The following SOS2 variants were observed in gnomAD, a reference collection of about 807,000 sequenced individuals.
SOS2 encodes son of sevenless homolog 2.
SOS2 carries 65 observed loss-of-function variants against 148.2 expected under a neutral mutation model. The observed-to-expected ratio is 0.44, with a 90% confidence interval of 0.36 to 0.54. The LOEUF (loss-of-function observed/expected upper bound fraction) is 0.54, where lower values mean the gene tolerates loss of function less well. SOS2 is among the 20% of genes least tolerant of loss of function. SOS2 has a pLI of 0.00. For synonymous variants in SOS2, 539 were observed against 537.1 expected (o/e 1.00, Z -0.05); for missense variants, 1,341 against 1,590.2 (o/e 0.84, Z 2.67).
intron 4 of SOS2, among the ~76,000 whole-genome samples, chr14:50,192,141 CACAAA>C (rs1245517824): frequency 2.1e-5 from 1 of 47,338 alleles, no homozygotes; most frequent in African/African-American, 9.2e-5. Flanking sequence ...GAGTCCTTGT[CACAAA>C]AAAAAAAAAA....
chr14:50,187,984 T>C (rs1354175457), intron 5 of SOS2, among the ~76,000 whole-genome samples: 1 of 152,206 alleles, frequency 6.6e-6, no homozygotes, highest in Non-Finnish European at 1.5e-5. Flanking sequence ...CACCCCAGTA[T>C]AAACCTCCTT....
intron 4 of SOS2, among the ~76,000 whole-genome samples, chr14:50,195,291 A>T (rs1886279023): frequency 6.6e-6 from 1 of 152,172 alleles, no homozygotes; most frequent in Non-Finnish European, 1.5e-5. Flanking sequence ...ATTTCAATAT[A>T]CTCTGTTGGT....
At position 50,120,303 on chromosome 14, in the gene SOS2, T is replaced by G; in HGVS notation, c.3461A>C (p.Lys1154Thr). ...LIPPPLPPRK[K>T]FDHDASNSKG... ...GGAATTTGAAGCATCATGATCAAAC[T>G]TTTTTCGAGGAGGAAGAGGAGGAGG... Residue 1154 changes from lysine to threonine, a missense_variant, in exon 22 of 23, where the codon AAG (lysine) becomes ACG (threonine). Lys to Thr is a moderately conservative substitution (Grantham distance 78). This residue lies in a region of SOS2 where 354 missense variants were observed against 347.7 expected (regional missense o/e 1.02). Coordinates refer to ENST00000216373, the MANE Select transcript of SOS2 (RefSeq NM_006939.4). 1 of 1,602,684 alleles carries G rather than the reference T, an allele frequency of 6.2e-7. No individual in the cohort carries two copies. The highest frequency in any genetic ancestry group is 8.5e-7 in the Non-Finnish European group (1 of 1,171,040).
intron 1 of SOS2, among the ~76,000 whole-genome samples, chr14:50,205,836 C>T (rs1950513): frequency 0.88 from 133,590 of 151,100 alleles, 59,131 homozygotes; most frequent in East Asian, 0.91. Flanking sequence ...AGGAGGATTG[C>T]TTGAACCTGG....
intron 13 of SOS2, among the ~76,000 whole-genome samples, chr14:50,152,596 T>G (rs776124871): frequency 1.2e-4 from 19 of 152,360 alleles, no homozygotes; most frequent in Admixed American, 2.6e-4. Flanking sequence ...ATGATTGGTC[T>G]AAACATATGT....
chr14:50,224,015 G>C (rs1473049915), intron 1 of SOS2, among the ~76,000 whole-genome samples: 1 of 152,072 alleles, frequency 6.6e-6, no homozygotes, highest in African/African-American at 2.4e-5. Flanking sequence ...GCCAGGCGCA[G>C]TGGCTCACGC....
At chr14:50,167,158 GTTA>G (rs1362721840) in intron 8 of SOS2, among the ~76,000 whole-genome samples, 1 of 151,908 alleles carries the variant, frequency 6.6e-6, no homozygotes, top group Non-Finnish European at 1.5e-5. Flanking sequence ...AAAGTTAACT[GTTA>G]TTAACTTTCT....
At chr14:50,124,520 A>G (rs1883625680) in intron 21 of SOS2, among the ~76,000 whole-genome samples, 1 of 152,246 alleles carries the variant, frequency 6.6e-6, no homozygotes, top group Non-Finnish European at 1.5e-5. Context: ...AAAGGGTGTG[A>G]ACATTTTTAT....
Position 50,188,502 on chromosome 14 carries a change from G to C in SOS2, c.709C>G (p.Pro237Ala). ...AFLSDRKLFK[P>A]SDIEKIFSNI... is the part of the protein sequence containing the mutation. Reference sequence around the variant, plus strand: ...AAACCCAAAAAGGTACTTACAGAAGGTTTAAACAGCTTTCTATCAGAAAGA... The same window carrying C: ...AAACCCAAAAAGGTACTTACAGAAGCTTTAAACAGCTTTCTATCAGAAAGA... Residue 237 changes from proline (P) to alanine (A), a missense_variant, in exon 5 of 23, where the codon CCT (proline) becomes GCT (alanine). Around this residue, in one of 4 missense-constraint regions of SOS2, gnomAD observed 574 missense variants for 711.1 expected, o/e 0.81. Transcript: ENST00000216373. 1 of 1,598,976 alleles carries C rather than the reference G, an allele frequency of 6.3e-7. No individual in the cohort carries two copies. The highest frequency in any genetic ancestry group is 8.5e-7 in the Non-Finnish European group (1 of 1,173,806).
intron 8 of SOS2, among the ~76,000 whole-genome samples, chr14:50,174,115 C>T (rs541301040): frequency 6.6e-6 from 1 of 152,248 alleles, no homozygotes; most frequent in East Asian, 1.9e-4. Context: ...CCTCCAAACC[C>T]TCTTAGCCAA....
intron 21 of SOS2, among the ~76,000 whole-genome samples, chr14:50,125,341 T>C (rs1343460512): frequency 6.6e-6 from 1 of 152,208 alleles, no homozygotes; most frequent in East Asian, 1.9e-4. Context: ...AGAGTAAACA[T>C]GGCCCTGCCA....
intron 1 of SOS2, among the ~76,000 whole-genome samples, chr14:50,218,209 C>T (rs1265991658): frequency 1.8e-4 from 16 of 87,332 alleles, no homozygotes; most frequent in African/African-American, 6.8e-4. Flanking sequence ...AATGAAACTT[C>T]GATAAAAGGA....
chr14:50,156,085 G>A (rs1884806880), intron 12 of SOS2: 1 of 151,840 alleles, frequency 6.6e-6, no homozygotes, highest in Non-Finnish European at 1.5e-5. Flanking sequence ...ACAATTTATT[G>A]GTCAACAGTA....
intron 21 of SOS2, among the ~76,000 whole-genome samples, chr14:50,126,288 A>G (rs962551620): frequency 3.3e-5 from 5 of 152,188 alleles, no homozygotes; most frequent in Admixed American, 3.3e-4. Context: ...TGGTGAGAAC[A>G]TTTAAAATCT....
At chr14:50,138,935 C>A in intron 17 of SOS2, 151 bp from the exon 18 acceptor site, 3 of 349,228 alleles carry the variant, frequency 8.6e-6, no homozygotes, top group South Asian at 1.1e-4. Flanking sequence ...CTCTGATAAA[C>A]AATCATTAAC....
At chr14:50,206,402 A>G (rs918746613) in intron 1 of SOS2, among the ~76,000 whole-genome samples, 1 of 152,226 alleles carries the variant, frequency 6.6e-6, no homozygotes, top group African/African-American at 2.4e-5. Context: ...CTTTATATAT[A>G]ATGGTGTAAC....
intron 8 of SOS2, among the ~76,000 whole-genome samples, chr14:50,172,488 G>T (rs1398243715): frequency 7.6e-6 from 1 of 131,404 alleles, no homozygotes; most frequent in Non-Finnish European, 1.5e-5. Flanking sequence ...AGCCTCCTGA[G>T]TAGCTGGGAT....
intron 5 of SOS2, among the ~76,000 whole-genome samples, chr14:50,187,097 A>C (rs528318272): frequency 6.7e-6 from 1 of 148,992 alleles, no homozygotes; most frequent in African/African-American, 2.5e-5. Context: ...CTATAGTCTC[A>C]AATTCCTGGC....
intron 4 of SOS2, among the ~76,000 whole-genome samples, chr14:50,189,119 C>T (rs1250690757): frequency 1.5e-5 from 2 of 134,866 alleles, no homozygotes; most frequent in African/African-American, 5.4e-5. Context: ...ACAAATATTA[C>T]ACAATGAGTT....
Sources: gnomAD v4.1 joint callset for allele counts (sites outside exome capture counted in the v4.1 genomes callset) on GRCh38, gnomAD v4.1.1 for gene constraint, gnomAD v4.1.1 regional missense constraint, MANE v1.5 for transcripts, NCBI Gene and HGNC (gene_info 2026-07-23, HGNC 2026-07-21) for gene names.